JAKMIP1: variants seen among roughly 807,000 people sequenced by gnomAD.
The protein encoded by JAKMIP1 is janus kinase and microtubule interacting protein 1, also known as janus kinase and microtubule-interacting protein 1.
In JAKMIP1, 33 loss-of-function variants were observed where a neutral mutation model predicts 113.0. The ratio of observed to expected loss-of-function variants is 0.29; its 90% CI spans 0.22 to 0.39. The LOEUF (loss-of-function observed/expected upper bound fraction) is 0.39, where lower values mean the gene tolerates loss of function less well. JAKMIP1 is among the 10% of genes least tolerant of loss of function. The probability of loss-of-function intolerance (pLI) is 1.00; values close to 1 mark genes in which losing one functional copy is unlikely to be tolerated. For synonymous variants in JAKMIP1, 480 were observed against 459.9 expected (o/e 1.04, Z -0.56); for missense variants, 813 against 1,080.5 (o/e 0.75, Z 3.47).
intron 1 of JAKMIP1, among the ~76,000 whole-genome samples, chr4:6,114,948 G>A (rs1213963792): frequency 1.3e-5 from 2 of 152,200 alleles, no homozygotes; most frequent in Non-Finnish European, 2.9e-5. Context: ...CTAGGAATGT[G>A]CTTTAAGGAA....
Position 6,139,104 on chromosome 4 carries a change from A to ACC in JAKMIP1, c.-147-26109_-147-26108dup, listed in dbSNP as rs200820512. 0.46 allele frequency among the ~76,000 whole-genome samples: 69,726 copies of ACC among 150,146 alleles called. 18,607 individuals are homozygous for ACC. Among genetic ancestry groups the ACC allele is most frequent in the East Asian group, 0.59 (3,013 of 5,068 alleles). ...CACACATATACACACACACACACAC[A>ACC]CCAGCAGGTCAGCCCTGCTCTCCTC... On this transcript the variant is annotated intron_variant, in intron 1 of 20. Transcript: ENST00000409021. The surrounding 1 kb of genome is among the most constrained non-coding windows in gnomAD (Gnocchi z 5.2).
rs893138381 is a variant in JAKMIP1, at chr4:6,069,397, T to C, written c.1303-4389A>G. Among the ~76,000 whole-genome samples, 1 of 152,232 alleles carries C rather than the reference T, an allele frequency of 6.6e-6. No homozygotes were observed. The highest frequency in any genetic ancestry group is 1.5e-5 in the Non-Finnish European group (1 of 68,040). The stretch of plus-strand genomic sequence containing the variant: ...AATTCCTCTAGCCTTCCATGTTCCT[T>C]GCAACCAAAGCCTCTCCTTGTTGAC... On this transcript the variant is annotated intron_variant, in intron 8 of 20. Transcript: ENST00000409021. This position sits in a 1 kb window ranked among gnomAD's most constrained non-coding sequence, Gnocchi z 4.5.
At chr4:6,148,371 A>C (rs1307264231) in intron 1 of JAKMIP1, among the ~76,000 whole-genome samples, 1 of 152,220 alleles carries the variant, frequency 6.6e-6, no homozygotes, top group Non-Finnish European at 1.5e-5. Context: ...ACCATTTTGC[A>C]TTCCTTTCTT....
chr4:6,157,912 T>A lies in JAKMIP1; in HGVS notation c.-148+42341A>T, dbSNP rs565088346. On this transcript the variant is annotated intron_variant, in intron 1 of 20. Coordinates refer to ENST00000409021, the MANE Select transcript of JAKMIP1 (RefSeq NM_001099433.2). This position sits in a 1 kb window ranked among gnomAD's most constrained non-coding sequence, Gnocchi z 4.7. ...TGTTAGAACCAAGGGTGTCTTGCTT[T>A]GCATCAGCAGCACTAACTCCTGATG... 6.6e-6 allele frequency among the ~76,000 whole-genome samples: 1 copy of A among 152,252 alleles called. No homozygotes were observed. The highest frequency in any genetic ancestry group is 2.1e-4 in the South Asian group (1 of 4,832).
intron 1 of JAKMIP1, among the ~76,000 whole-genome samples, chr4:6,182,595 C>T (rs1177884747): frequency 6.6e-6 from 1 of 152,168 alleles, no homozygotes; most frequent in Non-Finnish European, 1.5e-5. Flanking sequence ...TCTCAGACTT[C>T]CAGCCTCCAG....
Position 6,199,788 on chromosome 4 carries a change from G to A in JAKMIP1, c.-148+465C>T, listed in dbSNP as rs1728247953. Among the ~76,000 whole-genome samples, 2 of 151,358 alleles carry A rather than the reference G, an allele frequency of 1.3e-5. No homozygotes were observed. Among genetic ancestry groups the A allele is most frequent in the East Asian group, 4.0e-4 (2 of 5,052 alleles). On this transcript the variant is annotated intron_variant, in intron 1 of 20. Coordinates refer to ENST00000409021, the MANE Select transcript of JAKMIP1 (RefSeq NM_001099433.2). The surrounding 1 kb of genome is among the most constrained non-coding windows in gnomAD (Gnocchi z 5.6). ...TTCTTTGCCACCTGGGCGGAGATCT[G>A]GGGGACTGTGACCTACCCTGCGGAA...
intron 3 of JAKMIP1, among the ~76,000 whole-genome samples, chr4:6,101,579 T>C (rs978056119): frequency 3.3e-5 from 5 of 152,038 alleles, no homozygotes; most frequent in Non-Finnish European, 4.4e-5. Context: ...TGCTTGCCGA[T>C]GTCTGCATTT....
At chr4:6,177,216 GAGA>G (rs986377023) in intron 1 of JAKMIP1, among the ~76,000 whole-genome samples, 3 of 152,152 alleles carry the variant, frequency 2.0e-5, no homozygotes, top group African/African-American at 4.8e-5. Context: ...TATTGATGTA[GAGA>G]AGAAGTGAGC....
Position 6,054,202 on chromosome 4 carries a change from C to T in JAKMIP1, c.1708-54G>A, listed in dbSNP as rs979392047. The T allele has an allele frequency of 2.2e-5, 35 of 1,569,188 alleles. No homozygotes were observed. The African/African-American group carries it at 4.5e-4, about 20-fold the overall frequency. Reference sequence around the variant, plus strand: ...GGATGGGTGGGAGCACTGGGGTCCCCTGGTCACAGGCCACCTGACTGAGTG... The same window carrying T: ...GGATGGGTGGGAGCACTGGGGTCCCTTGGTCACAGGCCACCTGACTGAGTG... On this transcript the variant is annotated intron_variant, in intron 12 of 20. Transcript: ENST00000409021.
intron 1 of JAKMIP1, among the ~76,000 whole-genome samples, chr4:6,124,525 C>T (rs73795733): frequency 0.029 from 4,354 of 152,320 alleles, 205 homozygotes; most frequent in African/African-American, 0.099. Flanking sequence ...TCACCCTTGC[C>T]TGTCTGCATT....
intron 19 of JAKMIP1, among the ~76,000 whole-genome samples, chr4:6,032,754 A>T (rs28688973): frequency 0.015 from 2,335 of 152,318 alleles, 64 homozygotes; most frequent in African/African-American, 0.054. Context: ...GAGGTGGACA[A>T]TGCAGCTGTG....
Position 6,074,199 on chromosome 4 carries a change from C to T in JAKMIP1, c.1302+4740G>A, listed in dbSNP as rs1448062417. Among the ~76,000 whole-genome samples the T allele has an allele frequency of 4.6e-5, 7 of 152,222 alleles. No individual in the cohort carries two copies. In the South Asian group the frequency reaches 1.2e-3, roughly 27 times the overall value. Reference sequence around the variant, plus strand: ...ATGGCCCTCAGGGACACAAACGCTCCGGGAAGACAAAGGTGGACACCCTCT... The same window carrying T: ...ATGGCCCTCAGGGACACAAACGCTCTGGGAAGACAAAGGTGGACACCCTCT... On this transcript the variant is annotated intron_variant, in intron 8 of 20. Coordinates refer to ENST00000409021, the MANE Select transcript of JAKMIP1 (RefSeq NM_001099433.2).
At chr4:6,133,356 T>C (rs1016294226) in intron 1 of JAKMIP1, among the ~76,000 whole-genome samples, 2 of 152,202 alleles carry the variant, frequency 1.3e-5, no homozygotes, top group Admixed American at 1.3e-4. Flanking sequence ...TGTTTCCATA[T>C]GAAAAAGGTT....
intron 20 of JAKMIP1, among the ~76,000 whole-genome samples, chr4:6,027,801 G>A (rs1387501544): frequency 6.6e-6 from 1 of 152,110 alleles, no homozygotes; most frequent in African/African-American, 2.4e-5. Flanking sequence ...GTTATTTTAA[G>A]TGTGCGCTCA....
intron 5 of JAKMIP1, among the ~76,000 whole-genome samples, 190 bp downstream of exon 5, chr4:6,084,655 AC>A (rs1159234598): frequency 1.3e-5 from 2 of 152,184 alleles, no homozygotes; most frequent in African/African-American, 4.8e-5. Flanking sequence ...ATAAGTTCCT[AC>A]AAAAACAAAT....
At position 6,185,023 on chromosome 4, in the gene JAKMIP1, G is replaced by A. The variant is rs1170180168; in HGVS notation, c.-148+15230C>T. 6.6e-6 allele frequency among the ~76,000 whole-genome samples: 1 copy of A among 152,198 alleles called. No individual in the cohort carries two copies. The highest frequency in any genetic ancestry group is 2.4e-5 in the African/African-American group (1 of 41,446). Reference sequence around the variant, plus strand: ...AACATCAGACTCCAAGTTCTTCAGCGTTTGGCCTCTTGGACTTCCACCAGT... The same window carrying A: ...AACATCAGACTCCAAGTTCTTCAGCATTTGGCCTCTTGGACTTCCACCAGT... On this transcript the variant is annotated intron_variant, in intron 1 of 20. Coordinates refer to ENST00000409021, the MANE Select transcript of JAKMIP1 (RefSeq NM_001099433.2). This position sits in a 1 kb window ranked among gnomAD's most constrained non-coding sequence, Gnocchi z 5.3.
chr4:6,059,057 C>A lies in JAKMIP1; in HGVS notation c.1644+1367G>T, dbSNP rs950434478. ...GGCACAAAGAGATTATGTTACTTGC[C>A]CAAGGTTATGCAACAAGGAAGTGGC... On this transcript the variant is annotated intron_variant, in intron 11 of 20. Transcript: ENST00000409021. This position sits in a 1 kb window ranked among gnomAD's most constrained non-coding sequence, Gnocchi z 4.8. Among the ~76,000 whole-genome samples, 2 of 152,150 alleles carry A rather than the reference C, an allele frequency of 1.3e-5. No homozygotes were observed. The highest frequency in any genetic ancestry group is 4.8e-5 in the African/African-American group (2 of 41,420).
At chr4:6,118,349 T>C (rs1001610280) in intron 1 of JAKMIP1, among the ~76,000 whole-genome samples, 1 of 152,074 alleles carries the variant, frequency 6.6e-6, no homozygotes. Flanking sequence ...ACAGGAAGCA[T>C]TGCAGAGGCT....
intron 1 of JAKMIP1, among the ~76,000 whole-genome samples, chr4:6,121,970 G>C (rs1578298656): frequency 6.6e-6 from 1 of 152,192 alleles, no homozygotes; most frequent in African/African-American, 2.4e-5. Flanking sequence ...TACATATAAT[G>C]TGTATATATA....
Sources: allele counts gnomAD v4.1 joint callset (sites outside exome capture counted in the v4.1 genomes callset), GRCh38; gene constraint gnomAD v4.1.1; non-coding constraint Gnocchi (gnomAD v3.1); transcripts MANE v1.5; gene names NCBI Gene and HGNC (gene_info 2026-07-23, HGNC 2026-07-21).